The following TMEM45B variants were observed in gnomAD, a reference collection of about 807,000 sequenced individuals.
TMEM45B encodes transmembrane protein 45B.
Under a neutral mutation model 27.3 loss-of-function variants are expected in TMEM45B, and 29 were observed. That is an observed-to-expected ratio of 1.06 (90% CI 0.79 to 1.45). The LOEUF (loss-of-function observed/expected upper bound fraction) is 1.45, where lower values mean the gene tolerates loss of function less well. Ranked by LOEUF, TMEM45B falls within the 40% of genes most tolerant of loss-of-function variation. TMEM45B has a pLI of 0.00. For synonymous variants in TMEM45B, 143 were observed against 134.7 expected, an observed-to-expected ratio of 1.06 and a Z score of -0.43; for missense variants, 348 against 343.9, an observed-to-expected ratio of 1.01 and a Z score of -0.09.
At chr11:129,824,289 G>C in intron 1 of TMEM45B, among the ~76,000 whole-genome samples, 1 of 152,186 alleles carries the variant, frequency 6.6e-6, no homozygotes, top group East Asian at 1.9e-4. Flanking sequence ...CTGGAGACTT[G>C]TCTGAGAACA....
At chr11:129,850,844 C>T (rs1176891202) in intron 1 of TMEM45B, among the ~76,000 whole-genome samples, 2 of 152,204 alleles carry the variant, frequency 1.3e-5, no homozygotes, top group Admixed American at 1.3e-4. Context: ...GTGCTCCGTT[C>T]ATGGCAATCC....
intron 1 of TMEM45B, among the ~76,000 whole-genome samples, chr11:129,827,771 T>C (rs1283824077): frequency 1.3e-5 from 2 of 151,992 alleles, no homozygotes; most frequent in Non-Finnish European, 2.9e-5. Flanking sequence ...CATTGCACTC[T>C]AGCCTGGGCA....
chr11:129,853,831 GA>G (rs1947883140), intron 2 of TMEM45B, among the ~76,000 whole-genome samples: 1 of 152,204 alleles, frequency 6.6e-6, no homozygotes, highest in Non-Finnish European at 1.5e-5. Flanking sequence ...CTGGGAAACG[GA>G]GTCCAAAATG....
At chr11:129,836,420 G>A (rs1359487144) in intron 1 of TMEM45B, among the ~76,000 whole-genome samples, 1 of 152,146 alleles carries the variant, frequency 6.6e-6, no homozygotes, top group African/African-American at 2.4e-5. Flanking sequence ...CTGTAGGGAT[G>A]GGGATAAGTG....
chr11:129,835,982 G>T (rs1283325033), intron 1 of TMEM45B, among the ~76,000 whole-genome samples: 1 of 152,112 alleles, frequency 6.6e-6, no homozygotes, highest in African/African-American at 2.4e-5. Flanking sequence ...GCCTTGCATG[G>T]TGGCTCATGC....
intron 2 of TMEM45B, 84 bp from the exon 3 acceptor site, chr11:129,854,526 G>A (rs1323604566): frequency 9.9e-6 from 14 of 1,416,428 alleles, no homozygotes; most frequent in Admixed American, 3.9e-5. Context: ...TCTCCGCTTC[G>A]CTCATGCCTT....
At chr11:129,822,692 C>T (rs903378498) in intron 1 of TMEM45B, among the ~76,000 whole-genome samples, 2 of 152,148 alleles carry the variant, frequency 1.3e-5, no homozygotes, top group African/African-American at 4.8e-5. Flanking sequence ...TCCGCCTGCA[C>T]TTTGAAGTTG....
At chr11:129,843,367 A>G (rs1246438688) in intron 1 of TMEM45B, among the ~76,000 whole-genome samples, 1 of 152,214 alleles carries the variant, frequency 6.6e-6, no homozygotes, top group African/African-American at 2.4e-5. Context: ...AGCTTTCCGC[A>G]TCCTGGATTC....
At chr11:129,852,805 C>T (rs987438563) in intron 2 of TMEM45B, 145 bp downstream of exon 2, 17 of 790,886 alleles carry the variant, frequency 2.1e-5, no homozygotes, top group Admixed American at 1.8e-4. Flanking sequence ...ACTATTTTAT[C>T]GTAACATCCA....
At chr11:129,840,946 T>TAAAAAAAAAAAAAAAA (rs55905045) in intron 1 of TMEM45B, among the ~76,000 whole-genome samples, 8 of 29,268 alleles carry the variant, frequency 2.7e-4, no homozygotes, top group Non-Finnish European at 5.5e-4. Flanking sequence ...TTTCTTTCTG[T>TAAAAAAAAAAAAAAAA]AAAAAAAAAA....
intron 1 of TMEM45B, among the ~76,000 whole-genome samples, chr11:129,845,552 A>G (rs2135587529): frequency 6.6e-6 from 1 of 152,280 alleles, no homozygotes; most frequent in Admixed American, 6.5e-5. Context: ...AAAAGTAATT[A>G]AAATGGTATA....
chr11:129,831,368 C>A (rs546010551), intron 1 of TMEM45B, among the ~76,000 whole-genome samples: 2 of 152,166 alleles, frequency 1.3e-5, no homozygotes, highest in African/African-American at 4.8e-5. Flanking sequence ...TGAACACAAG[C>A]ACTATGATAC....
intron 2 of TMEM45B, among the ~76,000 whole-genome samples, chr11:129,854,279 G>T (rs981604625): frequency 9.2e-5 from 14 of 152,314 alleles, no homozygotes; most frequent in Non-Finnish European, 1.8e-4. Flanking sequence ...GCCACACTCC[G>T]ACTTAAGTGA....
chr11:129,827,718 G>C (rs1947502685), intron 1 of TMEM45B, among the ~76,000 whole-genome samples: 1 of 152,062 alleles, frequency 6.6e-6, no homozygotes, highest in East Asian at 1.9e-4. Flanking sequence ...CAGGAGAATA[G>C]CTTGAACTGG....
In TMEM45B at chr11:129,823,651, G is replaced by A. The variant is rs148921472; in HGVS notation, c.-9+7753G>A. ...TTTATGTCACCACCTCTTGGATGAT[G>A]CTACCTCATTCTCAAATCTGATGGT... On this transcript the variant is annotated intron_variant, in intron 1 of 5. Transcript: ENST00000281441. Among the ~76,000 whole-genome samples, 407 of 152,214 alleles carry A rather than the reference G, an allele frequency of 2.7e-3. 3 individuals are homozygous for A. Among genetic ancestry groups the A allele is most frequent in the African/African-American group, 9.0e-3 (373 of 41,514 alleles).
At chr11:129,824,349 C>A (rs549927558) in intron 1 of TMEM45B, among the ~76,000 whole-genome samples, 18 of 152,290 alleles carry the variant, frequency 1.2e-4, no homozygotes, top group Admixed American at 1.1e-3. Context: ...TATGCTACCC[C>A]ACAATATGTC....
chr11:129,856,993 T>C (rs1947937606), intron 4 of TMEM45B, among the ~76,000 whole-genome samples: 1 of 151,804 alleles, frequency 6.6e-6, no homozygotes, highest in Admixed American at 6.6e-5. Flanking sequence ...GCTAGGATTA[T>C]AGGTGCCCAC....
intron 1 of TMEM45B, chr11:129,850,588 G>A (rs1236667656): frequency 6.6e-6 from 1 of 152,170 alleles, no homozygotes; most frequent in Non-Finnish European, 1.5e-5. Flanking sequence ...GAAGTCCTAG[G>A]AAACGACATA....
chr11:129,840,927 G>T (rs1947681414), intron 1 of TMEM45B, among the ~76,000 whole-genome samples: 2 of 116,716 alleles, frequency 1.7e-5, no homozygotes, highest in Admixed American at 2.1e-4. Context: ...AGCACAAAGA[G>T]GCAGGCAATT....
Sources: gnomAD v4.1 joint callset for allele counts (sites outside exome capture counted in the v4.1 genomes callset) on GRCh38, gnomAD v4.1.1 for gene constraint, MANE v1.5 for transcripts, NCBI Gene and HGNC (gene_info 2026-07-23, HGNC 2026-07-21) for gene names.